The following FMNL2 variants were observed in gnomAD, a reference collection of about 807,000 sequenced individuals.
The protein encoded by FMNL2 is formin like 2.
In FMNL2, 51 loss-of-function variants were observed where a neutral mutation model predicts 130.2. The observed-to-expected ratio is 0.39, with a 90% CI of 0.31 to 0.49. FMNL2 has a LOEUF of 0.49. Among genes scored for constraint, FMNL2 ranks in the 20% least tolerant of loss-of-function variants. The pLI, the probability that FMNL2 is intolerant of heterozygous loss-of-function variation, is 0.85. For synonymous variants in FMNL2, 465 were observed against 467.1 expected (o/e 1.00, Z 0.06); for missense variants, 977 against 1,316.2 (o/e 0.74, Z 3.99).
At chr2:152,615,129 G>A (rs1405720678) in intron 12 of FMNL2, 129 bp downstream of exon 12, 1 of 932,022 alleles carries the variant, frequency 1.1e-6, no homozygotes, top group East Asian at 2.7e-5. Context: ...CTGCAAGAGA[G>A]AGCTATCAGA....
At position 152,423,594 on chromosome 2, in the gene FMNL2, C is replaced by T. The variant is rs535685654; in HGVS notation, c.117+87874C>T. On this transcript the variant is annotated intron_variant, in intron 1 of 25. Transcript: ENST00000288670. Reference sequence around the variant, plus strand: ...CCTTAGTACAGAATAAAATAAGATCCGATAAATCCATCCTGGTGGTCTGCA... The same window carrying T: ...CCTTAGTACAGAATAAAATAAGATCTGATAAATCCATCCTGGTGGTCTGCA... Among the ~76,000 whole-genome samples, 10 of 152,220 alleles carry T rather than the reference C, an allele frequency of 6.6e-5. No homozygotes were observed. In the South Asian group the frequency reaches 8.3e-4, roughly 13 times the overall value.
intron 2 of FMNL2, among the ~76,000 whole-genome samples, chr2:152,532,798 G>C (rs1267569873): frequency 1.3e-5 from 2 of 151,992 alleles, no homozygotes; most frequent in Admixed American, 1.3e-4. Context: ...AGTAGAGACA[G>C]GGTTTCACCA....
At chr2:152,377,214 T>C (rs1684223190) in intron 1 of FMNL2, among the ~76,000 whole-genome samples, 2 of 152,282 alleles carry the variant, frequency 1.3e-5, no homozygotes, top group South Asian at 4.1e-4. Context: ...ATTGCTGAAC[T>C]TCTAGGCAAA....
rs1481828703 is a variant in FMNL2 at position 152,619,527 on chromosome 2, C to T, written c.1646C>T (p.Thr549Ile). Residue 549 changes from threonine to isoleucine, a missense_variant, in exon 15 of 26, where the codon ACA becomes ATA. Thr to Ile is a moderately conservative substitution (Grantham distance 89). Coordinates refer to ENST00000288670, the MANE Select transcript of FMNL2 (RefSeq NM_052905.4). ...TPETVQNGPV[T>I]PPMPPPPPPP... The stretch of plus-strand genomic sequence containing the variant: ...TTGCTAGTGCAAAATGGTCCAGTAA[C>T]ACCACCTATGCCACCGCCGCCGCCG... 7 of 1,548,304 alleles carry T rather than the reference C, an allele frequency of 4.5e-6. No homozygotes were observed. The highest frequency in any genetic ancestry group is 1.4e-5 in the African/African-American group (1 of 72,260).
At chr2:152,606,905 G>A (rs1698388174) in intron 9 of FMNL2, among the ~76,000 whole-genome samples, 1 of 150,740 alleles carries the variant, frequency 6.6e-6, no homozygotes, top group South Asian at 2.1e-4. Flanking sequence ...TTATACATAT[G>A]AACATTTTAA....
At chr2:152,515,282 T>C (rs535314243) in intron 1 of FMNL2, among the ~76,000 whole-genome samples, 1 of 152,322 alleles carries the variant, frequency 6.6e-6, no homozygotes, top group East Asian at 1.9e-4. Flanking sequence ...TCTTTCCTTC[T>C]GCTTCATTGA....
intron 20 of FMNL2, 58 bp from the exon 21 acceptor site, chr2:152,631,950 G>A (rs965635414): frequency 2.1e-5 from 33 of 1,549,448 alleles, no homozygotes; most frequent in African/African-American, 2.7e-5. Flanking sequence ...CACCTGAGGG[G>A]TAAGTGTCTT....
At chr2:152,528,337 C>T (rs1230498903) in intron 2 of FMNL2, among the ~76,000 whole-genome samples, 1 of 152,164 alleles carries the variant, frequency 6.6e-6, no homozygotes, top group Admixed American at 6.5e-5. Flanking sequence ...CTTACAATAA[C>T]AGAAATGTGT....
At chr2:152,417,413 T>C (rs1463158606) in intron 1 of FMNL2, among the ~76,000 whole-genome samples, 7 of 152,224 alleles carry the variant, frequency 4.6e-5, no homozygotes, top group Non-Finnish European at 8.8e-5. Flanking sequence ...TCTGCTGATT[T>C]GTAAGACTCT....
Position 152,434,201 on chromosome 2 carries a change from G to A in FMNL2, c.118-87742G>A, listed in dbSNP as rs188447989. Reference sequence around the variant, plus strand: ...AATACACTCTGACCTAGAGCAACAGGGAAGGGAGTCAGAGAGACAAGTTTT... The same window carrying A: ...AATACACTCTGACCTAGAGCAACAGAGAAGGGAGTCAGAGAGACAAGTTTT... On this transcript the variant is annotated intron_variant, in intron 1 of 25. Coordinates refer to ENST00000288670, the MANE Select transcript of FMNL2 (RefSeq NM_052905.4). Among the ~76,000 whole-genome samples the A allele has an allele frequency of 2.3e-4, 35 of 152,302 alleles. No homozygotes were observed. The East Asian group carries it at 5.8e-3, about 25-fold the overall frequency.
Position 152,604,035 on chromosome 2 carries a change from T to C in FMNL2, c.877-3304T>C, listed in dbSNP as rs1017254366. ...ATTCAGTATGTCTCAATATAGACTC[T>C]AGGAATCTATCATTTTTCGAGGTTC... On this transcript the variant is annotated intron_variant, in intron 9 of 25. Transcript: ENST00000288670. Among the ~76,000 whole-genome samples, 5 of 151,078 alleles carry C rather than the reference T, an allele frequency of 3.3e-5. 1 individual carries two copies. The highest frequency in any genetic ancestry group is 7.4e-5 in the Non-Finnish European group (5 of 67,788).
At chr2:152,522,113 T>A in intron 2 of FMNL2, 87 bp downstream of exon 2, 1 of 1,092,010 alleles carries the variant, frequency 9.2e-7, no homozygotes, top group Non-Finnish European at 1.3e-6. Flanking sequence ...ATATCATGAT[T>A]GAAAAACAAG....
At chr2:152,509,226 C>G (rs746666762) in intron 1 of FMNL2, among the ~76,000 whole-genome samples, 2 of 152,132 alleles carry the variant, frequency 1.3e-5, no homozygotes, top group Admixed American at 1.3e-4. Flanking sequence ...TATGCCCCAA[C>G]AAGAAAGAGG....
intron 1 of FMNL2, among the ~76,000 whole-genome samples, chr2:152,337,391 C>CTGTGTG (rs10524595): frequency 0.012 from 1,701 of 143,518 alleles, 20 homozygotes; most frequent in African/African-American, 0.029. Context: ...CTGTGGTGCT[C>CTGTGTG]TGTGTGTGTG....
intron 9 of FMNL2, among the ~76,000 whole-genome samples, chr2:152,603,735 G>A (rs978524183): frequency 6.6e-6 from 1 of 151,018 alleles, no homozygotes; most frequent in Non-Finnish European, 1.5e-5. Context: ...TTATTTTTGG[G>A]TTACCTTATT....
intron 1 of FMNL2, among the ~76,000 whole-genome samples, chr2:152,437,472 C>T (rs1425789440): frequency 1.3e-5 from 2 of 152,160 alleles, no homozygotes; most frequent in African/African-American, 4.8e-5. Context: ...ATAATGCACC[C>T]CCCCTGCGGT....
intron 4 of FMNL2, among the ~76,000 whole-genome samples, chr2:152,557,886 T>C (rs1695313846): frequency 6.6e-6 from 1 of 152,196 alleles, no homozygotes; most frequent in South Asian, 2.1e-4. Flanking sequence ...TGTTGGAGTT[T>C]GAAACTTAGT....
intron 1 of FMNL2, among the ~76,000 whole-genome samples, chr2:152,430,342 C>T (rs1687430115): frequency 6.6e-6 from 1 of 152,186 alleles, no homozygotes. Flanking sequence ...CTTGTGTGCA[C>T]ACTCACCTTT....
chr2:152,501,762 G>A (rs376387653), intron 1 of FMNL2, among the ~76,000 whole-genome samples: 10 of 151,858 alleles, frequency 6.6e-5, no homozygotes, highest in African/African-American at 2.4e-4. Context: ...GAAGGAAGAC[G>A]ATGATGAGAA....
Sources: allele counts gnomAD v4.1 joint callset (sites outside exome capture counted in the v4.1 genomes callset), GRCh38; gene constraint gnomAD v4.1.1; transcripts MANE v1.5; gene names NCBI Gene and HGNC (gene_info 2026-07-23, HGNC 2026-07-21).